The following KCNQ1 variants were observed in gnomAD, a reference collection of about 807,000 sequenced individuals.
The protein encoded by KCNQ1 is potassium voltage-gated channel subfamily Q member 1, also known as potassium voltage-gated channel subfamily KQT member 1.
A neutral mutation model predicts 72.4 loss-of-function variants in KCNQ1; 49 were observed. The observed-to-expected ratio is 0.68, with a 90% CI of 0.54 to 0.86. KCNQ1 has a LOEUF of 0.86. KCNQ1 is among the 40% of genes least tolerant of loss of function. The pLI, the probability that KCNQ1 is intolerant of heterozygous loss-of-function variation, is 0.00. For synonymous variants in KCNQ1, 450 were observed against 412.6 expected, an observed-to-expected ratio of 1.09 and a Z score of -1.10; for missense variants, 790 against 945.1, an observed-to-expected ratio of 0.84 and a Z score of 2.15.
chr11:2,569,183 C>G (rs984848435), intron 2 of KCNQ1, among the ~76,000 whole-genome samples: 1 of 152,216 alleles, frequency 6.6e-6, no homozygotes, highest in Non-Finnish European at 1.5e-5. Context: ...CGCACCTGGC[C>G]CACACCCTTT....
At chr11:2,580,257 T>C (rs1848479570) in intron 6 of KCNQ1, among the ~76,000 whole-genome samples, 1 of 151,724 alleles carries the variant, frequency 6.6e-6, no homozygotes, top group African/African-American at 2.4e-5. Context: ...CTCGGCTGCC[T>C]CGGGAGGCAG....
chr11:2,480,870 C>G (rs1407205885), intron 1 of KCNQ1, among the ~76,000 whole-genome samples: 2 of 152,102 alleles, frequency 1.3e-5, no homozygotes, highest in Non-Finnish European at 2.9e-5. Context: ...CATGGTGTCT[C>G]CAAGGGCTCA....
rs1847120911 is a variant in KCNQ1 at position 2,507,271 on chromosome 11, C to T, written c.387-20657C>T. On this transcript the variant is annotated intron_variant, in intron 1 of 15. Coordinates refer to ENST00000155840, the MANE Select transcript of KCNQ1 (RefSeq NM_000218.3). This position sits in a 1 kb window ranked among gnomAD's most constrained non-coding sequence, Gnocchi z 5.4. ...CTCAGAGAGTGGCCTGAGACCTCTT[C>T]CTTAGAAGTTCACCCCACTGGCTGG... is the stretch of plus-strand genomic sequence containing the variant. Among the ~76,000 whole-genome samples the T allele has an allele frequency of 1.3e-5, 2 of 152,246 alleles. No individual in the cohort carries two copies. The highest frequency in any genetic ancestry group is 1.3e-4 in the Admixed American group (2 of 15,296).
rs530776272 is a variant in KCNQ1, at chr11:2,484,283, C to A, written c.386+38799C>A. ...GGTTCAAGTGATTCTCCTGCCTCAG[C>A]CTCCTGAGTAGCTGGGATTACAGGC... is the stretch of plus-strand genomic sequence containing the variant. On this transcript the variant is annotated intron_variant, in intron 1 of 15. Coordinates refer to ENST00000155840, the MANE Select transcript of KCNQ1 (RefSeq NM_000218.3). This position sits in a 1 kb window ranked among gnomAD's most constrained non-coding sequence, Gnocchi z 5.2. 4.6e-5 allele frequency among the ~76,000 whole-genome samples: 7 copies of A among 152,252 alleles called. No homozygotes were observed. In the East Asian group the frequency reaches 1.4e-3, roughly 29 times the overall value.
At chr11:2,707,634 A>G (rs1440582195) in intron 11 of KCNQ1, among the ~76,000 whole-genome samples, 2 of 152,218 alleles carry the variant, frequency 1.3e-5, no homozygotes, top group Non-Finnish European at 2.9e-5. Flanking sequence ...TTATCTCCCA[A>G]TTAGTCCTGT....
chr11:2,755,408 G>A (rs1359439952), intron 11 of KCNQ1, among the ~76,000 whole-genome samples: 6 of 152,046 alleles, frequency 3.9e-5, no homozygotes, highest in African/African-American at 7.3e-5. Context: ...GTGCCACCGC[G>A]CCTGGCTAAT....
In KCNQ1 at chr11:2,826,837, C is replaced by A. The variant is rs1008947053; in HGVS notation, c.1795-20930C>A. Among the ~76,000 whole-genome samples the A allele has an allele frequency of 1.3e-5, 2 of 152,208 alleles. No individual in the cohort carries two copies. The highest frequency in any genetic ancestry group is 2.9e-5 in the Non-Finnish European group (2 of 68,042). ...CCATATGCTCACAGCCAGAGAGACACACAGGCCAGCAGCCTGTAAACCACT... is the reference window on the plus strand; with the variant it reads ...CCATATGCTCACAGCCAGAGAGACAAACAGGCCAGCAGCCTGTAAACCACT... On this transcript the variant is annotated intron_variant, in intron 15 of 15. Coordinates refer to ENST00000155840, the MANE Select transcript of KCNQ1 (RefSeq NM_000218.3). The surrounding 1 kb of genome is among the most constrained non-coding windows in gnomAD (Gnocchi z 4.2).
intron 15 of KCNQ1, among the ~76,000 whole-genome samples, chr11:2,836,536 G>C (rs1245390759): frequency 6.6e-6 from 1 of 152,230 alleles, no homozygotes; most frequent in Non-Finnish European, 1.5e-5. Context: ...CATGTAGGCA[G>C]AAAGACTTGG....
At chr11:2,794,097 G>T (rs1847084207) in intron 15 of KCNQ1, among the ~76,000 whole-genome samples, 1 of 152,178 alleles carries the variant, frequency 6.6e-6, no homozygotes, top group Admixed American at 6.5e-5. Context: ...CCGGGCCAAG[G>T]ATCCAGGGGT....
chr11:2,840,166 A>ATAAAGTAAAGTAAGATTACAATAAAG (rs1848177414), intron 15 of KCNQ1: 1 of 152,264 alleles, frequency 6.6e-6, no homozygotes, highest in African/African-American at 2.4e-5. Flanking sequence ...ATGTATTACA[A>ATAAAGTAAAGTAAGATTACAATAAAG]TAAAGTAAAG....
In KCNQ1 at chr11:2,677,656, A is replaced by G; in HGVS notation, c.1514+15575A>G. ...TTGTAACTCTAACAACTGTTATTGC[A>G]TATGAGATAAAATAATATTTTAACT... is the stretch of plus-strand genomic sequence containing the variant. On this transcript the variant is annotated intron_variant, in intron 11 of 15. Coordinates refer to ENST00000155840, the MANE Select transcript of KCNQ1 (RefSeq NM_000218.3). This position sits in a 1 kb window ranked among gnomAD's most constrained non-coding sequence, Gnocchi z 4.5. 5.0e-6 allele frequency: 2 copies of G among 398,614 alleles called. No individual in the cohort carries two copies. The highest frequency in any genetic ancestry group is 3.6e-5 in the East Asian group (1 of 28,072). The allele number at this position is 398,614 out of a possible 1,614,324, so 24.7% of individuals were successfully genotyped here.
intron 1 of KCNQ1, among the ~76,000 whole-genome samples, chr11:2,459,809 T>C (rs1589891611): frequency 6.6e-6 from 1 of 152,090 alleles, no homozygotes; most frequent in Admixed American, 6.5e-5. Flanking sequence ...TCCCTTCTGC[T>C]TAAAACCCAC....
intron 11 of KCNQ1, among the ~76,000 whole-genome samples, chr11:2,714,406 G>A (rs1851055096): frequency 1.3e-5 from 2 of 152,232 alleles, no homozygotes; most frequent in African/African-American, 4.8e-5. Flanking sequence ...AGGGCTAAGT[G>A]TGGTGGCAGT....
chr11:2,574,028 C>T (rs1410093521), intron 6 of KCNQ1, among the ~76,000 whole-genome samples: 1 of 152,202 alleles, frequency 6.6e-6, no homozygotes, highest in Non-Finnish European at 1.5e-5. Context: ...CCTTCAAATC[C>T]TCCAGTGAAA....
At chr11:2,744,161 AAG>A (rs1846100863) in intron 11 of KCNQ1, among the ~76,000 whole-genome samples, 1 of 152,256 alleles carries the variant, frequency 6.6e-6, no homozygotes, top group African/African-American at 2.4e-5. Flanking sequence ...CAAACTTAAA[AAG>A]AGATTATTAC....
Position 2,663,088 on chromosome 11 carries a change from C to A in KCNQ1, c.1514+1007C>A. On this transcript the variant is annotated intron_variant, in intron 11 of 15. Coordinates refer to ENST00000155840, the MANE Select transcript of KCNQ1 (RefSeq NM_000218.3). The surrounding 1 kb of genome is among the most constrained non-coding windows in gnomAD (Gnocchi z 5.2). ...GGGTTGGGTAGCCAGAATGAGGCCACCTCCAGGGAAGGAGTGGCTATCTTA... is the reference window on the plus strand; with the variant it reads ...GGGTTGGGTAGCCAGAATGAGGCCAACTCCAGGGAAGGAGTGGCTATCTTA... The A allele has an allele frequency of 2.5e-6, 1 of 398,676 alleles. No homozygotes were observed. The highest frequency in any genetic ancestry group is 4.4e-6 in the Non-Finnish European group (1 of 226,132). The allele number at this position is 398,676 out of a possible 1,614,324, so 24.7% of individuals were successfully genotyped here.
intron 1 of KCNQ1, among the ~76,000 whole-genome samples, chr11:2,518,940 G>C (rs77583848): frequency 0.016 from 2,468 of 152,342 alleles, 28 homozygotes; most frequent in Non-Finnish European, 0.023. Context: ...GGGAGGACCA[G>C]GCTGTGGGTC....
In KCNQ1 at chr11:2,816,863, G is replaced by T. The variant is rs1422679045; in HGVS notation, c.1795-30904G>T. Among the ~76,000 whole-genome samples, 1 of 151,876 alleles carries T rather than the reference G, an allele frequency of 6.6e-6. No homozygotes were observed. The highest frequency in any genetic ancestry group is 1.5e-5 in the Non-Finnish European group (1 of 67,924). On this transcript the variant is annotated intron_variant, in intron 15 of 15. Coordinates refer to ENST00000155840, the MANE Select transcript of KCNQ1 (RefSeq NM_000218.3). The surrounding 1 kb of genome is among the most constrained non-coding windows in gnomAD (Gnocchi z 6.8). ...GATGTCTGAGCCCTGAACAGACACA[G>T]GTGTCTGTTCAGGGCTCCTCAAATG...
In KCNQ1 at chr11:2,734,325, G is replaced by A. The variant is rs1022392337; in HGVS notation, c.1515-34519G>A. Among the ~76,000 whole-genome samples the A allele has an allele frequency of 4.6e-5, 7 of 152,262 alleles. No individual in the cohort carries two copies. The highest frequency in any genetic ancestry group is 2.1e-4 in the South Asian group (1 of 4,834). On this transcript the variant is annotated intron_variant, in intron 11 of 15. Coordinates refer to ENST00000155840, the MANE Select transcript of KCNQ1 (RefSeq NM_000218.3). This position sits in a 1 kb window ranked among gnomAD's most constrained non-coding sequence, Gnocchi z 7.0. Reference sequence around the variant, plus strand: ...AGGCGCCTAGAAGGCTGGACTTTCCGTGAGGTGGCGGGGAGCACCAAGGGT... The same window carrying A: ...AGGCGCCTAGAAGGCTGGACTTTCCATGAGGTGGCGGGGAGCACCAAGGGT...
Sources: allele counts gnomAD v4.1 joint callset (sites outside exome capture counted in the v4.1 genomes callset), GRCh38; gene constraint gnomAD v4.1.1; non-coding constraint Gnocchi (gnomAD v3.1); transcripts MANE v1.5; gene names NCBI Gene and HGNC (gene_info 2026-07-23, HGNC 2026-07-21).